FSTL4: variants seen among roughly 807,000 people sequenced by gnomAD.
FSTL4 encodes follistatin-related protein 4.
In FSTL4, 28 loss-of-function variants were observed where a neutral mutation model predicts 78.2. That is an observed-to-expected ratio of 0.36 (90% CI 0.27 to 0.49). The LOEUF is 0.49. Among genes scored for constraint, FSTL4 ranks in the 20% least tolerant of loss-of-function variants. The probability of loss-of-function intolerance (pLI) is 0.98; values close to 1 mark genes in which losing one functional copy is unlikely to be tolerated. For missense variants in FSTL4, 922 were observed against 1,084.9 expected, an observed-to-expected ratio of 0.85 and a Z score of 2.11; for synonymous variants, 422 against 440.5, an observed-to-expected ratio of 0.96 and a Z score of 0.53.
At chr5:133,751,773 G>C in the FSTL4 span, among the ~76,000 whole-genome samples, 3 of 152,334 alleles carry the variant, frequency 2.0e-5, no homozygotes. Context: ...GCTTTTGGGA[G>C]GTGCAACAGC....
chr5:133,334,691 C>T (rs1179746159), intron 4 of FSTL4, among the ~76,000 whole-genome samples: 1 of 152,090 alleles, frequency 6.6e-6, no homozygotes, highest in African/African-American at 2.4e-5. Flanking sequence ...TTTGAGTAGA[C>T]AGTATTTGTC....
intron 3 of FSTL4, among the ~76,000 whole-genome samples, chr5:133,447,638 C>A (rs1478654555): frequency 6.6e-6 from 1 of 152,188 alleles, no homozygotes; most frequent in Admixed American, 6.5e-5. Flanking sequence ...CTCCTGGGTT[C>A]AAGTGATTCT....
chr5:133,601,133 G>A (rs1482503383), intron 2 of FSTL4, among the ~76,000 whole-genome samples: 1 of 152,184 alleles, frequency 6.6e-6, no homozygotes, highest in Admixed American at 6.5e-5. Context: ...GTCCCCACTG[G>A]GAATGAACCT....
intron 3 of FSTL4, among the ~76,000 whole-genome samples, chr5:133,527,193 T>C (rs146237003): frequency 1.3e-5 from 2 of 152,314 alleles, no homozygotes; most frequent in East Asian, 3.9e-4. Flanking sequence ...AATTATCCTT[T>C]ATTTTGATTC....
rs756364860 is a variant in FSTL4 at position 133,199,047 on chromosome 5, G to A, written c.*48C>T. The A allele has an allele frequency of 9.1e-6, 11 of 1,202,920 alleles. No homozygotes were observed. The South Asian group carries it at 1.8e-4, about 20-fold the overall frequency. 74.5% of individuals were successfully genotyped at this position (1,202,920 alleles called of 1,614,324 possible). A position where few individuals can be genotyped will look rare whatever the true frequency, so the allele number is the denominator to read the frequency against. ...CAGCGTACCTGCTTGAGGCTGCAGTGTCAGGACTAGGGGGTGTTCCTTGGC... is the reference window on the plus strand; with the variant it reads ...CAGCGTACCTGCTTGAGGCTGCAGTATCAGGACTAGGGGGTGTTCCTTGGC... On this transcript the variant is annotated 3_prime_UTR_variant, in exon 16 of 16. Coordinates refer to ENST00000265342, the MANE Select transcript of FSTL4 (RefSeq NM_015082.2). This position sits in a 1 kb window ranked among gnomAD's most constrained non-coding sequence, Gnocchi z 4.4.
the FSTL4 span, among the ~76,000 whole-genome samples, chr5:133,818,641 A>G: frequency 1.1e-4 from 17 of 152,010 alleles, no homozygotes; most frequent in Non-Finnish European, 1.9e-4. Context: ...CACGAAGTGC[A>G]TTGTGATAGC....
chr5:133,793,186 T>C, the FSTL4 span, among the ~76,000 whole-genome samples: 2 of 152,308 alleles, frequency 1.3e-5, no homozygotes, highest in South Asian at 4.1e-4. Flanking sequence ...GACCACCCTC[T>C]TGGTGCAGGG....
the FSTL4 span, among the ~76,000 whole-genome samples, chr5:133,804,761 G>A: frequency 1.3e-5 from 2 of 151,838 alleles, no homozygotes; most frequent in Non-Finnish European, 2.9e-5. Context: ...TGGTTAACAC[G>A]GTGAAACCCC....
chr5:133,219,861 T>C (rs545128113), intron 12 of FSTL4, among the ~76,000 whole-genome samples: 1 of 152,358 alleles, frequency 6.6e-6, no homozygotes, highest in African/African-American at 2.4e-5. Context: ...GCTGGAACTC[T>C]TTCTAACTGG....
the FSTL4 span, among the ~76,000 whole-genome samples, chr5:133,630,234 A>G: frequency 6.6e-6 from 1 of 152,300 alleles, no homozygotes; most frequent in African/African-American, 2.4e-5. Flanking sequence ...ACATGATTGT[A>G]TATTTAGAAA....
the FSTL4 span, among the ~76,000 whole-genome samples, chr5:133,697,779 A>G: frequency 5.8e-4 from 89 of 152,210 alleles, 1 homozygote; most frequent in African/African-American, 1.7e-3. Flanking sequence ...CTCACGTGAG[A>G]CTATCCACCA....
intron 6 of FSTL4, among the ~76,000 whole-genome samples, chr5:133,271,841 T>C (rs907268192): frequency 6.6e-6 from 1 of 152,214 alleles, no homozygotes; most frequent in Non-Finnish European, 1.5e-5. Context: ...ATCAGTTTTC[T>C]AGGTCATACA....
intron 2 of FSTL4, among the ~76,000 whole-genome samples, chr5:133,569,959 C>T: frequency 6.6e-6 from 1 of 152,042 alleles, no homozygotes; most frequent in Non-Finnish European, 1.5e-5. Flanking sequence ...CCTGTAATCC[C>T]AGCACTTTGG....
intron 4 of FSTL4, among the ~76,000 whole-genome samples, chr5:133,359,823 C>G (rs1247089813): frequency 3.3e-5 from 5 of 152,226 alleles, no homozygotes; most frequent in Non-Finnish European, 7.3e-5. Context: ...TTTTCCTACC[C>G]GTTCTGCTGC....
At chr5:133,342,441 C>CA (rs1358320187) in intron 4 of FSTL4, among the ~76,000 whole-genome samples, 1 of 152,162 alleles carries the variant, frequency 6.6e-6, no homozygotes, top group Non-Finnish European at 1.5e-5. Flanking sequence ...CAAGCAGCAC[C>CA]ATTCATCTTC....
At chr5:133,425,500 G>A (rs1416390346) in intron 3 of FSTL4, among the ~76,000 whole-genome samples, 5 of 152,196 alleles carry the variant, frequency 3.3e-5, no homozygotes, top group Non-Finnish European at 7.3e-5. Flanking sequence ...TCGAATGTGA[G>A]TTCAAATTGT....
intron 6 of FSTL4, among the ~76,000 whole-genome samples, chr5:133,304,539 A>T (rs1482380590): frequency 6.6e-6 from 1 of 152,226 alleles, no homozygotes; most frequent in Non-Finnish European, 1.5e-5. Flanking sequence ...ATAGATTTTC[A>T]ATAACAACCT....
chr5:133,253,594 C>T (rs910628929), intron 6 of FSTL4, among the ~76,000 whole-genome samples: 1 of 152,234 alleles, frequency 6.6e-6, no homozygotes, highest in African/African-American at 2.4e-5. Context: ...AGTGGCAGCA[C>T]CAATGGGTGC....
the FSTL4 span, among the ~76,000 whole-genome samples, chr5:133,800,058 C>T: frequency 3.6e-5 from 5 of 139,382 alleles, 2 homozygotes; most frequent in Admixed American, 3.7e-4. Flanking sequence ...TCATGGACAA[C>T]AGGAGTTCAG....
Sources: allele counts gnomAD v4.1 joint callset (sites outside exome capture counted in the v4.1 genomes callset), GRCh38; gene constraint gnomAD v4.1.1; non-coding constraint Gnocchi (gnomAD v3.1); transcripts MANE v1.5; gene names NCBI Gene and HGNC (gene_info 2026-07-23, HGNC 2026-07-21).